MEGF10: variants seen among roughly 807,000 people sequenced by gnomAD.
The protein encoded by MEGF10 is multiple epidermal growth factor-like domains protein 10.
A neutral mutation model predicts 147.5 loss-of-function variants in MEGF10; 86 were observed. That is an observed-to-expected ratio of 0.58 (90% CI 0.49 to 0.70). The LOEUF (loss-of-function observed/expected upper bound fraction) is 0.70. MEGF10 is among the 30% of genes least tolerant of loss of function. The pLI, the probability that MEGF10 is intolerant of heterozygous loss-of-function variation, is 0.00. For synonymous variants in MEGF10, 478 were observed against 525.5 expected (o/e 0.91, Z 1.24); for missense variants, 1,329 against 1,487.3 (o/e 0.89, Z 1.75).
chr5:127,253,157 G>A, the MEGF10 span, among the ~76,000 whole-genome samples: 1 of 152,058 alleles, frequency 6.6e-6, no homozygotes, highest in East Asian at 1.9e-4. Flanking sequence ...AAGAGACAAA[G>A]CATGTGATTG....
chr5:127,260,340 C>G, the MEGF10 span, among the ~76,000 whole-genome samples: 1 of 152,066 alleles, frequency 6.6e-6, no homozygotes, highest in Admixed American at 6.6e-5. Context: ...TAAGCAGACT[C>G]CTGTCTTGGT....
chr5:127,368,105 A>G (rs1269366502), intron 4 of MEGF10, among the ~76,000 whole-genome samples: 2 of 152,202 alleles, frequency 1.3e-5, no homozygotes, highest in African/African-American at 4.8e-5. Flanking sequence ...ACACATACCT[A>G]CAGGTGGAAG....
chr5:127,287,038 G>A (rs961565055), upstream of MEGF10, among the ~76,000 whole-genome samples: 9 of 151,780 alleles, frequency 5.9e-5, no homozygotes, highest in East Asian at 1.9e-4. Context: ...GAGAAAAACC[G>A]TATAATAATT....
chr5:127,332,991 G>A (rs2546078), intron 2 of MEGF10, among the ~76,000 whole-genome samples: 60,825 of 151,964 alleles, frequency 0.4, 13,645 homozygotes, highest in Middle Eastern at 0.56. Flanking sequence ...CAGAGAAGAC[G>A]AGGATTTAGA....
chr5:127,268,368 G>A, the MEGF10 span, among the ~76,000 whole-genome samples: 1 of 152,260 alleles, frequency 6.6e-6, no homozygotes, highest in Non-Finnish European at 1.5e-5. Flanking sequence ...TAAGTGCGAT[G>A]TGGTTCTGAG....
intron 6 of MEGF10, 136 bp downstream of exon 6, chr5:127,396,914 C>T: frequency 7.6e-7 from 1 of 1,307,650 alleles, no homozygotes; most frequent in Non-Finnish European, 1.0e-6. Context: ...GCTGCAGGCA[C>T]AGTTATAGAG....
chr5:127,349,700 T>C (rs1424832845), intron 4 of MEGF10, among the ~76,000 whole-genome samples: 3 of 152,070 alleles, frequency 2.0e-5, no homozygotes, highest in African/African-American at 7.2e-5. Flanking sequence ...TTTTGTTTTT[T>C]TTAGGCTACA....
intron 13 of MEGF10, among the ~76,000 whole-genome samples, chr5:127,433,048 T>G (rs1765437153): frequency 6.6e-6 from 1 of 152,184 alleles, no homozygotes; most frequent in African/African-American, 2.4e-5. Flanking sequence ...CTAAAAGATA[T>G]CGTATTGTTG....
rs1761647455 is a variant in MEGF10 at position 127,340,686 on chromosome 5, CT to C, written c.319+58del. On this transcript the variant is annotated intron_variant, in intron 4 of 24. Coordinates refer to ENST00000503335, the MANE Select transcript of MEGF10 (RefSeq NM_001256545.2). ...GCTAGTTTTTCCCAGTGCTGGTTTGCTTCCATTAATAGCAGCTGAGACAGAG... is the reference window on the plus strand; with the variant it reads ...GCTAGTTTTTCCCAGTGCTGGTTTGCTCCATTAATAGCAGCTGAGACAGAG... 3.5e-6 allele frequency: 5 copies of C among 1,439,450 alleles called. No individual in the cohort carries two copies. In the South Asian group the frequency reaches 5.8e-5, roughly 17 times the overall value. 89.2% of individuals were successfully genotyped at this position (1,439,450 alleles called of 1,614,324 possible).
At chr5:127,412,309 G>A (rs917706751) in intron 9 of MEGF10, among the ~76,000 whole-genome samples, 4 of 152,106 alleles carry the variant, frequency 2.6e-5, no homozygotes, top group African/African-American at 4.8e-5. Context: ...CAAGTTTAAT[G>A]TTGATTATAT....
rs1030066391 is a variant in MEGF10, at chr5:127,440,611, A to G, written c.2234-128A>G. The G allele has an allele frequency of 3.0e-5, 28 of 935,124 alleles. No homozygotes were observed. The African/African-American group carries it at 4.5e-4, about 15-fold the overall frequency. The allele number at this position is 935,124 out of a possible 1,614,324, so 57.9% of individuals were successfully genotyped here. ...GCTCTTGTGGCAAGCTCAGATATGT[A>G]CTATTCACTGTATTCTCTGATGGCT... On this transcript the variant is annotated intron_variant, in intron 17 of 24. Coordinates refer to ENST00000503335, the MANE Select transcript of MEGF10 (RefSeq NM_001256545.2).
the MEGF10 span, among the ~76,000 whole-genome samples, chr5:127,248,954 A>G: frequency 6.6e-6 from 1 of 152,014 alleles, no homozygotes; most frequent in South Asian, 2.1e-4. Flanking sequence ...CACAATAGCC[A>G]TGGTACTAAA....
intron 8 of MEGF10, among the ~76,000 whole-genome samples, chr5:127,409,164 A>G (rs1163368003): frequency 6.6e-6 from 1 of 152,220 alleles, no homozygotes; most frequent in East Asian, 1.9e-4. Flanking sequence ...ATCATTAAAA[A>G]TATGCAAAGT....
chr5:127,330,341 C>T (rs541608024), intron 1 of MEGF10, among the ~76,000 whole-genome samples: 1 of 152,244 alleles, frequency 6.6e-6, no homozygotes, highest in South Asian at 2.1e-4. Context: ...ATGAAGTTCC[C>T]TACTGCACAA....
At chr5:127,322,971 GTA>G (rs530385300) in intron 1 of MEGF10, among the ~76,000 whole-genome samples, 1 of 151,244 alleles carries the variant, frequency 6.6e-6, no homozygotes, top group Admixed American at 6.6e-5. Flanking sequence ...TACAATGTGT[GTA>G]TATATATATA....
At chr5:127,244,758 G>A in the MEGF10 span, among the ~76,000 whole-genome samples, 7,536 of 152,084 alleles carry the variant, frequency 0.05, 334 homozygotes, top group African/African-American at 0.11. Flanking sequence ...CCAAGCTATT[G>A]TCAAAATGCA....
chr5:127,432,085 C>T (rs1054733098), intron 13 of MEGF10, among the ~76,000 whole-genome samples: 8 of 152,176 alleles, frequency 5.3e-5, no homozygotes, highest in African/African-American at 1.9e-4. Flanking sequence ...CTTTCTTCAG[C>T]CCATGGTCCG....
chr5:127,424,605 T>C, intron 13 of MEGF10: 2 of 1,309,262 alleles, frequency 1.5e-6, no homozygotes, highest in Non-Finnish European at 9.7e-7. Context: ...TGAACTGTCA[T>C]GTGCTTGATT....
intron 5 of MEGF10, among the ~76,000 whole-genome samples, chr5:127,380,049 T>A (rs1763191240): frequency 6.9e-6 from 1 of 144,948 alleles, no homozygotes; most frequent in Admixed American, 7.2e-5. Flanking sequence ...TTTCTAAAAA[T>A]ACTTGATTTG....
Sources: gnomAD v4.1 joint callset for allele counts (sites outside exome capture counted in the v4.1 genomes callset) on GRCh38, gnomAD v4.1.1 for gene constraint, MANE v1.5 for transcripts, NCBI Gene and HGNC (gene_info 2026-07-23, HGNC 2026-07-21) for gene names.